The following HNF1B variants were observed in gnomAD, a reference collection of about 807,000 sequenced individuals.
HNF1B encodes the protein hepatocyte nuclear factor 1-beta.
Under a neutral mutation model 61.7 loss-of-function variants are expected in HNF1B, and 8 were observed. The ratio of observed to expected loss-of-function variants is 0.13; its 90% CI spans 0.08 to 0.23. HNF1B has a LOEUF of 0.23. HNF1B is among the 10% of genes least tolerant of loss of function. The probability of loss-of-function intolerance (pLI) is 1.00; values close to 1 mark genes in which losing one functional copy is unlikely to be tolerated. For missense variants in HNF1B, 562 were observed against 714.5 expected (o/e 0.79, Z 2.43); for synonymous variants, 314 against 287.7 (o/e 1.09, Z -0.93).
intron 8 of HNF1B, among the ~76,000 whole-genome samples, chr17:37,697,579 C>A (rs769531037): frequency 2.6e-5 from 4 of 152,216 alleles, no homozygotes; most frequent in Non-Finnish European, 5.9e-5. Flanking sequence ...GCTGACCAAG[C>A]GGCAGATGGA....
At chr17:37,710,386 A>G (rs1346919940) in intron 5 of HNF1B, 117 bp downstream of exon 5, 1 of 1,369,146 alleles carries the variant, frequency 7.3e-7, no homozygotes, top group African/African-American at 1.4e-5. Context: ...GACAGCCCTC[A>G]TTTTCCCCTA....
chr17:37,710,803 T>A, intron 4 of HNF1B, 140 bp from the exon 5 acceptor site: 2 of 811,510 alleles, frequency 2.5e-6, no homozygotes, highest in Non-Finnish European at 4.1e-6. Flanking sequence ...ACAAGAAATA[T>A]CGGCTGCTTT....
chr17:37,741,086 A>T (rs908929673), intron 1 of HNF1B, among the ~76,000 whole-genome samples: 1 of 152,228 alleles, frequency 6.6e-6, no homozygotes, highest in Non-Finnish European at 1.5e-5. Flanking sequence ...GCTTGATAGA[A>T]CAAGAAAAAA....
At chr17:37,696,589 C>G (rs1260823529) in intron 8 of HNF1B, among the ~76,000 whole-genome samples, 1 of 152,254 alleles carries the variant, frequency 6.6e-6, no homozygotes, top group Non-Finnish European at 1.5e-5. Context: ...GAGGCAGATG[C>G]TGGCATCATG....
intron 4 of HNF1B, among the ~76,000 whole-genome samples, chr17:37,715,200 T>C (rs1052264517): frequency 5.3e-5 from 8 of 152,118 alleles, no homozygotes; most frequent in African/African-American, 1.4e-4. Context: ...TCACCCTGCA[T>C]GCACGCTGAT....
intron 5 of HNF1B, among the ~76,000 whole-genome samples, chr17:37,706,466 T>C (rs2032751695): frequency 6.6e-6 from 1 of 152,050 alleles, no homozygotes; most frequent in Middle Eastern, 3.2e-3. Context: ...GGTAAGATGC[T>C]ATCTCCCACC....
chr17:37,712,899 G>T (rs2032982701), intron 4 of HNF1B, among the ~76,000 whole-genome samples: 2 of 152,146 alleles, frequency 1.3e-5, no homozygotes. Context: ...CAAGATATTT[G>T]CCCTAAGATC....
Position 37,734,969 on chromosome 17 carries a change from T to C in HNF1B, c.545-1148A>G, listed in dbSNP as rs552973666. ...ATGCCCAGCTAATTTTTTGTATTTT[T>C]AGTAGAGATGGGGTTTCATCATGTT... On this transcript the variant is annotated intron_variant, in intron 2 of 8. Transcript: ENST00000617811. 5.3e-3 allele frequency among the ~76,000 whole-genome samples: 801 copies of C among 152,034 alleles called. 12 individuals carry two copies. Among genetic ancestry groups the C allele is most frequent in the Non-Finnish European group, 4.2e-3 (284 of 67,978 alleles).
At chr17:37,707,436 GC>G (rs1568643271) in intron 5 of HNF1B, among the ~76,000 whole-genome samples, 1 of 152,062 alleles carries the variant, frequency 6.6e-6, no homozygotes, top group Non-Finnish European at 1.5e-5. Flanking sequence ...TTTCTATTTG[GC>G]TCCTGGACTG....
At chr17:37,722,727 G>C (rs1364897650) in intron 4 of HNF1B, among the ~76,000 whole-genome samples, 6 of 152,206 alleles carry the variant, frequency 3.9e-5, no homozygotes, top group African/African-American at 1.4e-4. Flanking sequence ...ACTCACGCAA[G>C]TGTGCTATTG....
chr17:37,725,880 A>G (rs1568658932), intron 4 of HNF1B, among the ~76,000 whole-genome samples: 1 of 152,244 alleles, frequency 6.6e-6, no homozygotes, highest in South Asian at 2.1e-4. Flanking sequence ...TTAGTAGTCC[A>G]GACAGTGCCG....
chr17:37,696,647 C>T (rs549877674), intron 8 of HNF1B, among the ~76,000 whole-genome samples: 6 of 152,350 alleles, frequency 3.9e-5, no homozygotes, highest in African/African-American at 1.4e-4. Context: ...CTCTTTTACC[C>T]AGCCTCAGAT....
chr17:37,741,898 AGAGT>A (rs889819336), intron 1 of HNF1B, among the ~76,000 whole-genome samples: 1 of 152,242 alleles, frequency 6.6e-6, no homozygotes, highest in African/African-American at 2.4e-5. Flanking sequence ...CCGACTTAAA[AGAGT>A]GAGGAGTAAG....
rs9905004 is a variant in HNF1B at position 37,701,277 on chromosome 17, G to A, written c.1340-100C>T. The A allele has an allele frequency of 0.058, 68,263 of 1,173,532 alleles. 2,620 individuals carry two copies. The highest frequency in any genetic ancestry group is 0.16 in the African/African-American group (10,484 of 65,568). The allele number at this position is 1,173,532 out of a possible 1,614,324, so 72.7% of individuals were successfully genotyped here. On this transcript the variant is annotated intron_variant, in intron 6 of 8. Transcript: ENST00000617811. The stretch of plus-strand genomic sequence containing the variant: ...CCCCGCTCAATGTCCCAGTCACCGG[G>A]CTGAGCCTGTTACATAGGAGATTCC...
intron 8 of HNF1B, among the ~76,000 whole-genome samples, chr17:37,697,307 T>C (rs1322421809): frequency 6.6e-6 from 1 of 152,178 alleles, no homozygotes; most frequent in Non-Finnish European, 1.5e-5. Flanking sequence ...ATGAGTCTAT[T>C]GCCAGACTCC....
chr17:37,688,280 T>C (rs2032048729), intron 8 of HNF1B, among the ~76,000 whole-genome samples: 1 of 151,484 alleles, frequency 6.6e-6, no homozygotes, highest in African/African-American at 2.4e-5. Context: ...TTCTGGGGAG[T>C]CTCTTTTTGT....
chr17:37,739,279 C>T (rs946467029), intron 2 of HNF1B, among the ~76,000 whole-genome samples, 161 bp downstream of exon 2: 1 of 152,126 alleles, frequency 6.6e-6, no homozygotes, highest in African/African-American at 2.4e-5. Context: ...GAAGCCAATC[C>T]ATTGTACAGC....
At chr17:37,700,663 G>C (rs1451441171) in intron 7 of HNF1B, among the ~76,000 whole-genome samples, 1 of 152,154 alleles carries the variant, frequency 6.6e-6, no homozygotes, top group African/African-American at 2.4e-5. Context: ...TTATGGACGC[G>C]ATCTTTTCCA....
Position 37,720,556 on chromosome 17 carries a change from A to C in HNF1B, c.1046-9893T>G, listed in dbSNP as rs145081157. Among the ~76,000 whole-genome samples, 243 of 152,142 alleles carry C rather than the reference A, an allele frequency of 1.6e-3. 1 individual carries two copies. Among genetic ancestry groups the C allele is most frequent in the African/African-American group, 5.6e-3 (233 of 41,490 alleles). ...CATATATGCTATATAAAACAAAACT[A>C]ATCCTAGGCTCAGTTTAATTCTTAA... is the stretch of plus-strand genomic sequence containing the variant. On this transcript the variant is annotated intron_variant, in intron 4 of 8. Coordinates refer to ENST00000617811, the MANE Select transcript of HNF1B (RefSeq NM_000458.4).
Sources: gnomAD v4.1 joint callset for allele counts (sites outside exome capture counted in the v4.1 genomes callset) on GRCh38, gnomAD v4.1.1 for gene constraint, MANE v1.5 for transcripts, NCBI Gene and HGNC (gene_info 2026-07-23, HGNC 2026-07-21) for gene names.